NSD3: variants seen among roughly 807,000 people sequenced by gnomAD.
NSD3 encodes the protein histone-lysine N-methyltransferase NSD3.
NSD3 carries 24 observed loss-of-function variants against 160.8 expected under a neutral mutation model. The observed-to-expected ratio is 0.15, with a 90% CI of 0.11 to 0.21. The LOEUF is 0.21. Among genes scored for constraint, NSD3 ranks in the 10% least tolerant of loss-of-function variants. The pLI is 1.00. For missense variants in NSD3, 1,157 were observed against 1,735.9 expected (o/e 0.67, Z 5.93); for synonymous variants, 520 against 600.0 (o/e 0.87, Z 1.95).
chr8:38,277,121 T>A (rs1411967684), intron 22 of NSD3, among the ~76,000 whole-genome samples: 1 of 152,168 alleles, frequency 6.6e-6, no homozygotes, highest in African/African-American at 2.4e-5. Context: ...TTTTGTATTT[T>A]AGTAGAGACG....
rs192281543 is a variant in NSD3 at position 38,361,873 on chromosome 8, C to T, written c.-44-13658G>A. ...GACGGGGAGAGAGGATGCAGGGGAC[C>T]TCAGGCATTTTTGGCTTAGGAAACA... On this transcript the variant is annotated intron_variant, in intron 1 of 23. Coordinates refer to ENST00000317025, the MANE Select transcript of NSD3 (RefSeq NM_023034.2). 6.5e-3 allele frequency among the ~76,000 whole-genome samples: 987 copies of T among 151,630 alleles called. 17 individuals are homozygous for T. Among genetic ancestry groups the T allele is most frequent in the Middle Eastern group, 0.021 (6 of 288 alleles).
At chr8:38,366,418 CTTTTTTTTTT>C (rs374656504) in intron 1 of NSD3, among the ~76,000 whole-genome samples, 2 of 132,194 alleles carry the variant, frequency 1.5e-5, no homozygotes, top group Non-Finnish European at 3.2e-5. Context: ...CTACTTAATT[CTTTTTTTTTT>C]TTTTTTGAGA....
Position 38,331,431 on chromosome 8 carries a change from C to T in NSD3, c.1065G>A (p.Lys355=), listed in dbSNP as rs774804673. The T allele has an allele frequency of 1.3e-6, 2 of 1,592,158 alleles. No individual in the cohort carries two copies. The highest frequency in any genetic ancestry group is 1.7e-6 in the Non-Finnish European group (2 of 1,170,546). The change falls in exon 5 of 24, where the codon AAG becomes AAA. Residue 355 remains lysine (K), a splice_region_variant and synonymous_variant. Coordinates refer to ENST00000317025, the MANE Select transcript of NSD3 (RefSeq NM_023034.2). ...KQASNHSEKQ[K]IRKPRPQRER... ...TAAATAATATTAACATGTTAGTTACCTTTTGTTTCTCAGAGTGATTGCTGG... is the reference window on the plus strand; with the variant it reads ...TAAATAATATTAACATGTTAGTTACTTTTTGTTTCTCAGAGTGATTGCTGG...
chr8:38,283,698 G>C (rs1465752316), intron 19 of NSD3, among the ~76,000 whole-genome samples: 2 of 152,190 alleles, frequency 1.3e-5, no homozygotes, highest in African/African-American at 4.8e-5. Flanking sequence ...GCACCGGTCT[G>C]CTTCACGGAG....
chr8:38,338,624 A>G lies in NSD3; in HGVS notation c.676-17T>C. 1.3e-6 allele frequency: 2 copies of G among 1,596,734 alleles called. No homozygotes were observed. The highest frequency in any genetic ancestry group is 1.7e-4 in the Middle Eastern group (1 of 5,996). On this transcript the variant is annotated splice_polypyrimidine_tract_variant and intron_variant, in intron 2 of 23. Transcript: ENST00000317025. ...ATTTGGTCTCTAGGTGAAAAGGTAT[A>G]GGTAAGTAGAATAAAATGGCATTAA...
rs763997108 is a variant in NSD3, at chr8:38,318,030, C to A, written c.1855+865G>T. The A allele has an allele frequency of 1.9e-6, 3 of 1,614,102 alleles. No homozygotes were observed. Among genetic ancestry groups the A allele is most frequent in the South Asian group, 1.1e-5 (1 of 91,062 alleles). On this transcript the variant is annotated intron_variant, in intron 9 of 23. Coordinates refer to ENST00000317025, the MANE Select transcript of NSD3 (RefSeq NM_023034.2). The surrounding 1 kb of genome is among the most constrained non-coding windows in gnomAD (Gnocchi z 5.3). ...CTGACAGAGCCCTGCACTCCCCGGT[C>A]CGCCGACCCTGTGGAATGGTGGAAA...
At chr8:38,346,899 G>T (rs1345822203) in intron 2 of NSD3, among the ~76,000 whole-genome samples, 2 of 148,228 alleles carry the variant, frequency 1.3e-5, no homozygotes, top group Admixed American at 6.8e-5. Context: ...CTAGAATTAT[G>T]TTACATACTT....
At chr8:38,287,986 C>T (rs1808906229) in intron 19 of NSD3, among the ~76,000 whole-genome samples, 1 of 151,976 alleles carries the variant, frequency 6.6e-6, no homozygotes, top group South Asian at 2.1e-4. Flanking sequence ...ATAATCCCAG[C>T]ACTGTGGGAG....
rs1185751627 is a variant in NSD3, at chr8:38,329,446, G to T, written c.1513C>A (p.Gln505Lys). ...CNMSPVVKIE[Q>K]VFALQNATGD... Reference sequence around the variant, plus strand: ...GTAGCATTCTGAAGAGCAAACACTTGTTCAATTTTCACAACTGGAGACATG... The same window carrying T: ...GTAGCATTCTGAAGAGCAAACACTTTTTCAATTTTCACAACTGGAGACATG... Residue 505 changes from glutamine to lysine, a missense_variant, in exon 6 of 24, where the codon CAA becomes AAA. By Grantham distance (53) the Gln-to-Lys change is moderately conservative. Around this residue, in one of 10 missense-constraint regions of NSD3, gnomAD observed 102 missense variants for 126.5 expected, o/e 0.81. Transcript: ENST00000317025. The surrounding 1 kb of genome is among the most constrained non-coding windows in gnomAD (Gnocchi z 4.8). The T allele has an allele frequency of 1.2e-6, 2 of 1,614,074 alleles. No homozygotes were observed. Among genetic ancestry groups the T allele is most frequent in the Non-Finnish European group, 8.5e-7 (1 of 1,180,036 alleles).
At chr8:38,363,634 C>T (rs1233754217) in intron 1 of NSD3, among the ~76,000 whole-genome samples, 7 of 125,030 alleles carry the variant, frequency 5.6e-5, no homozygotes, top group African/African-American at 1.6e-4. Context: ...AGTGAGACTC[C>T]GTCTCAAAAA....
chr8:38,281,114 G>A (rs1438401288), intron 20 of NSD3, among the ~76,000 whole-genome samples: 1 of 152,034 alleles, frequency 6.6e-6, no homozygotes, highest in Non-Finnish European at 1.5e-5. Flanking sequence ...CTTTAATAAC[G>A]GTGGTTTATA....
rs1227470226 is a variant in NSD3, at chr8:38,317,125, C to T, written c.1856-1083G>A. 5 of 1,062,040 alleles carry T rather than the reference C, an allele frequency of 4.7e-6. No individual in the cohort carries two copies. Among genetic ancestry groups the T allele is most frequent in the East Asian group, 5.1e-5 (1 of 19,626 alleles). The allele number at this position is 1,062,040 out of a possible 1,614,324, so 65.8% of individuals were successfully genotyped here. ...CAAGTCTCCTGAGGCCATGAAGATC[C>T]GCAACAGGCTGAGTGAGAGTAGCAC... On this transcript the variant is annotated intron_variant, in intron 9 of 23. Transcript: ENST00000317025. This position sits in a 1 kb window ranked among gnomAD's most constrained non-coding sequence, Gnocchi z 5.3.
intron 1 of NSD3, among the ~76,000 whole-genome samples, chr8:38,374,994 ACT>A (rs913994940): frequency 9.2e-5 from 14 of 152,152 alleles, no homozygotes; most frequent in South Asian, 2.1e-4. Flanking sequence ...ACAGAGGGAG[ACT>A]CTGTCTCGAA....
rs754304140 is a variant in NSD3 at position 38,338,651 on chromosome 8, TAAAC to T, written c.676-48_676-45del. The T allele has an allele frequency of 6.9e-5, 101 of 1,473,458 alleles. 1 individual carries two copies. Among genetic ancestry groups the T allele is most frequent in the East Asian group, 1.6e-4 (7 of 44,132 alleles). The allele number at this position is 1,473,458 out of a possible 1,614,324, so 91.3% of individuals were successfully genotyped here. On this transcript the variant is annotated intron_variant, in intron 2 of 23. Coordinates refer to ENST00000317025, the MANE Select transcript of NSD3 (RefSeq NM_023034.2). The stretch of plus-strand genomic sequence containing the variant: ...GTAAGTAGAATAAAATGGCATTAAA[TAAAC>T]AAACAAACAAAAAACAGTGACATAC...
intron 1 of NSD3, among the ~76,000 whole-genome samples, chr8:38,366,213 TAAA>T (rs757858457): frequency 6.6e-6 from 1 of 152,096 alleles, no homozygotes; most frequent in Non-Finnish European, 1.5e-5. Flanking sequence ...TTGCACTGAT[TAAA>T]AGACTTTTAA....
intron 19 of NSD3, among the ~76,000 whole-genome samples, chr8:38,283,692 C>T (rs561034727): frequency 3.9e-5 from 6 of 152,278 alleles, no homozygotes; most frequent in Non-Finnish European, 7.4e-5. Flanking sequence ...CGAGAAGCAC[C>T]GGTCTGCTTC....
At chr8:38,292,941 C>G (rs1363189380) in intron 16 of NSD3, among the ~76,000 whole-genome samples, 1 of 151,474 alleles carries the variant, frequency 6.6e-6, no homozygotes, top group East Asian at 1.9e-4. Context: ...CACTGCACTC[C>G]AGCCTGGGCG....
At chr8:38,278,924 C>A (rs969358778) in intron 21 of NSD3, among the ~76,000 whole-genome samples, 26 of 152,188 alleles carry the variant, frequency 1.7e-4, no homozygotes, top group African/African-American at 6.3e-4. Flanking sequence ...CTTAAACAAT[C>A]CACAATGAGT....
intron 12 of NSD3, among the ~76,000 whole-genome samples, chr8:38,308,472 G>T (rs780440744): frequency 1.3e-5 from 2 of 152,064 alleles, no homozygotes; most frequent in Non-Finnish European, 2.9e-5. Context: ...TAAAAGGTAG[G>T]AAGTTTGACT....
Sources: allele counts gnomAD v4.1 joint callset (sites outside exome capture counted in the v4.1 genomes callset), GRCh38; gene constraint gnomAD v4.1.1; regional missense constraint gnomAD v4.1.1; non-coding constraint Gnocchi (gnomAD v3.1); transcripts MANE v1.5; gene names NCBI Gene and HGNC (gene_info 2026-07-23, HGNC 2026-07-21).